Variants in CHST13 observed in about 807,000 individuals in gnomAD.
CHST13 encodes C4ST-3.
A neutral mutation model predicts 7.0 loss-of-function variants in CHST13; 1 was observed. That is an observed-to-expected ratio of 0.14 (90% confidence interval 0.05 to 0.68). The LOEUF is 0.68. CHST13 is among the 30% of genes least tolerant of loss of function. The probability of loss-of-function intolerance (pLI) is 0.82; values close to 1 mark genes in which losing one functional copy is unlikely to be tolerated. For synonymous variants in CHST13, 257 were observed against 240.9 expected (o/e 1.07, Z -0.62); for missense variants, 572 against 507.9 (o/e 1.13, Z -1.21).
At chr3:126,530,627 G>A (rs1260178333) in intron 1 of CHST13, among the ~76,000 whole-genome samples, 3 of 152,250 alleles carry the variant, frequency 2.0e-5, no homozygotes, top group Admixed American at 6.5e-5. Context: ...TGGCACCAGC[G>A]GAGCTCCCCA....
intron 1 of CHST13, among the ~76,000 whole-genome samples, chr3:126,524,795 A>G (rs1433616207): frequency 6.6e-6 from 1 of 151,988 alleles, no homozygotes; most frequent in Non-Finnish European, 1.5e-5. Context: ...CCTGGACATG[A>G]GCGCTGCTGG....
intron 1 of CHST13, among the ~76,000 whole-genome samples, chr3:126,528,557 G>T (rs2107562100): frequency 6.6e-6 from 1 of 152,252 alleles, no homozygotes; most frequent in African/African-American, 2.4e-5. Flanking sequence ...TAGGAGATAG[G>T]TGAGGTGTCT....
Position 126,542,161 on chromosome 3 carries a change from C to A in CHST13, c.609C>A (p.Arg203=). 1 of 1,515,780 alleles carries A rather than the reference C, an allele frequency of 6.6e-7. No homozygotes were observed. Among genetic ancestry groups the A allele is most frequent in the South Asian group, 1.2e-5 (1 of 82,206 alleles). The allele number at this position is 1,515,780 out of a possible 1,614,324, so 93.9% of individuals were successfully genotyped here. The change falls in exon 3 of 3, where the codon CGC becomes CGA. Residue 203 remains arginine (R), a synonymous_variant. Coordinates refer to ENST00000319340, the MANE Select transcript of CHST13 (RefSeq NM_152889.3). ...CCTTCCAGAGGCGCTACGGTGCACGCATCGTTCAGCGCCTGCGGCCGCGCG... is the reference window on the plus strand; with the variant it reads ...CCTTCCAGAGGCGCTACGGTGCACGAATCGTTCAGCGCCTGCGGCCGCGCG... ...SAAFQRRYGA[R]IVQRLRPRAL...
rs767401839 is a variant in CHST13, at chr3:126,542,026, C to G, written c.474C>G (p.Ala158=). Residue 158 remains alanine, a synonymous_variant, in exon 3 of 3, where the codon GCC becomes GCG. Transcript: ENST00000319340. ...RLPSLADFSP[A]EINRRLRAYL... is the part of the protein sequence containing the mutation. Reference sequence around the variant, plus strand: ...CCTCACTGGCCGACTTCAGCCCCGCCGAGATCAACCGGCGCCTGCGCGCCT... The same window carrying G: ...CCTCACTGGCCGACTTCAGCCCCGCGGAGATCAACCGGCGCCTGCGCGCCT... 5.9e-5 allele frequency: 92 copies of G among 1,569,696 alleles called. No individual in the cohort carries two copies. The highest frequency in any genetic ancestry group is 1.8e-5 in the Admixed American group (1 of 55,218).
chr3:126,541,656 C>T, intron 2 of CHST13, 77 bp from the exon 3 acceptor site: 1 of 1,313,404 alleles, frequency 7.6e-7, no homozygotes, highest in Non-Finnish European at 9.9e-7. Context: ...CGGGCGCATC[C>T]CGCCGGGGCA....
In CHST13 at chr3:126,524,213, C is replaced by A; in HGVS notation, c.-120C>A. The A allele has an allele frequency of 1.3e-6, 1 of 757,024 alleles. No individual in the cohort carries two copies. Among genetic ancestry groups the A allele is most frequent in the Non-Finnish European group, 1.8e-6 (1 of 567,534 alleles). 46.9% of individuals were successfully genotyped at this position (757,024 alleles called of 1,614,324 possible). A position where few individuals can be genotyped will look rare whatever the true frequency, so the allele number is the denominator to read the frequency against. Reference sequence around the variant, plus strand: ...GGGGTCCAGCTGCCGTGCTCCCCTGCCCTGCGCCGCGCCGCGCGTCTTGGT... The same window carrying A: ...GGGGTCCAGCTGCCGTGCTCCCCTGACCTGCGCCGCGCCGCGCGTCTTGGT... On this transcript the variant is annotated 5_prime_UTR_variant, in exon 1 of 3. Transcript: ENST00000319340.
chr3:126,533,648 CT>C (rs1936705185), intron 1 of CHST13, among the ~76,000 whole-genome samples: 2 of 152,146 alleles, frequency 1.3e-5, no homozygotes, highest in South Asian at 4.1e-4. Context: ...GAACTTTGCA[CT>C]TATATTCATA....
chr3:126,537,741 G>A (rs1042549803), intron 2 of CHST13, among the ~76,000 whole-genome samples: 6 of 149,430 alleles, frequency 4.0e-5, no homozygotes, highest in South Asian at 2.1e-4. Context: ...AGCACCTTGC[G>A]GCTGGAGAAA....
At chr3:126,538,236 C>T (rs34987672) in intron 2 of CHST13, among the ~76,000 whole-genome samples, 40,295 of 152,178 alleles carry the variant, frequency 0.26, 5,488 homozygotes, top group Admixed American at 0.3. Flanking sequence ...TCAGCAGCAG[C>T]CAGCTGCCCA....
At chr3:126,537,657 G>A (rs1936826890) in intron 2 of CHST13, among the ~76,000 whole-genome samples, 2 of 152,200 alleles carry the variant, frequency 1.3e-5, no homozygotes, top group Admixed American at 1.3e-4. Flanking sequence ...TAGCTCTGGC[G>A]GCTTCTGAGG....
intron 1 of CHST13, among the ~76,000 whole-genome samples, chr3:126,528,043 T>C (rs1184175469): frequency 2.0e-5 from 3 of 149,946 alleles, no homozygotes; most frequent in Non-Finnish European, 4.4e-5. Flanking sequence ...GTTTAACAGG[T>C]AGGAAAAGGA....
At position 126,524,343 on chromosome 3, in the gene CHST13, G is replaced by C; in HGVS notation, c.11G>C (p.Arg4Pro). The C allele has an allele frequency of 8.1e-7, 1 of 1,235,202 alleles. No individual in the cohort carries two copies. 76.5% of individuals were successfully genotyped at this position (1,235,202 alleles called of 1,614,324 possible). MGR[R>P]CCRRRVLAAA... ...CGCGCCCGGCACAGCATGGGGAGGC[G>C]CTGCTGCCGGCGGCGCGTGCTGGCG... The change falls in exon 1 of 3, where the codon CGC (arginine) becomes CCC (proline). Residue 4 changes from arginine (R) to proline (P), a missense_variant. Transcript: ENST00000319340.
chr3:126,525,342 G>T (rs766657660), intron 1 of CHST13, among the ~76,000 whole-genome samples: 1 of 152,184 alleles, frequency 6.6e-6, no homozygotes, highest in Non-Finnish European at 1.5e-5. Flanking sequence ...CAGGGTGGGC[G>T]GGGATGTTGG....
Position 126,536,305 on chromosome 3 carries a change from T to C in CHST13, c.132T>C (p.Leu44=), listed in dbSNP as rs780415942. 8 of 1,614,024 alleles carry C rather than the reference T, an allele frequency of 5.0e-6. No individual in the cohort carries two copies. The highest frequency in any genetic ancestry group is 6.8e-6 in the Non-Finnish European group (8 of 1,179,956). The part of the protein sequence containing the change: ...FGNRALGSSW[L]GGEKRSPLQK... ...ACAGAGCCCTGGGCTCCAGCTGGCT[T>C]GGTGGGGAGAAGAGAAGCCCCCTGC... is the stretch of plus-strand genomic sequence containing the variant. The change falls in exon 2 of 3, where the codon CTT becomes CTC. Residue 44 remains leucine, a synonymous_variant. Transcript: ENST00000319340.
Position 126,524,321 on chromosome 3 carries a change from G to T in CHST13, c.-12G>T, listed in dbSNP as rs962479224. 5 of 1,233,012 alleles carry T rather than the reference G, an allele frequency of 4.1e-6. No homozygotes were observed. In the African/African-American group the frequency reaches 7.9e-5, roughly 19 times the overall value. 76.4% of individuals were successfully genotyped at this position (1,233,012 alleles called of 1,614,324 possible). A position where few individuals can be genotyped will look rare whatever the true frequency, so the allele number is the denominator to read the frequency against. On this transcript the variant is annotated 5_prime_UTR_variant, in exon 1 of 3. Coordinates refer to ENST00000319340, the MANE Select transcript of CHST13 (RefSeq NM_152889.3). ...TCCAGCGGACTGTCCTCCGCCGCGC[G>T]CCCGGCACAGCATGGGGAGGCGCTG...
At chr3:126,536,886 CACACACACAA>C (rs1204007985) in intron 2 of CHST13, among the ~76,000 whole-genome samples, 1 of 129,120 alleles carries the variant, frequency 7.7e-6, no homozygotes, top group African/African-American at 3.5e-5. Context: ...CTTTCTCACA[CACACACACAA>C]ACACACACAC....
intron 1 of CHST13, among the ~76,000 whole-genome samples, chr3:126,528,495 G>C (rs1186101597): frequency 1.3e-5 from 2 of 152,206 alleles, no homozygotes; most frequent in Admixed American, 1.3e-4. Context: ...ATTGCTGCAA[G>C]GAGTGAGAAG....
At chr3:126,540,514 G>C (rs565694598) in intron 2 of CHST13, among the ~76,000 whole-genome samples, 9 of 152,134 alleles carry the variant, frequency 5.9e-5, no homozygotes, top group Non-Finnish European at 1.3e-4. Flanking sequence ...TGTACTATTC[G>C]CTTGGCATAA....
chr3:126,526,981 T>G (rs1046436854), intron 1 of CHST13: 6 of 152,188 alleles, frequency 3.9e-5, no homozygotes, highest in Non-Finnish European at 5.9e-5. Context: ...GAACAAAACT[T>G]AGAAATACCC....
Sources: gnomAD v4.1 joint callset for allele counts (sites outside exome capture counted in the v4.1 genomes callset) on GRCh38, gnomAD v4.1.1 for gene constraint, MANE v1.5 for transcripts, NCBI Gene and HGNC (gene_info 2026-07-23, HGNC 2026-07-21) for gene names.